Variants in LRBA observed in about 807,000 individuals in gnomAD.
LRBA encodes LPS responsive beige-like anchor protein.
In LRBA, 176 loss-of-function variants were observed where a neutral mutation model predicts 330.0. The ratio of observed to expected loss-of-function variants is 0.53; its 90% CI spans 0.47 to 0.60. LRBA has a LOEUF of 0.60. Among genes scored for constraint, LRBA ranks in the 20% least tolerant of loss-of-function variants. The probability of loss-of-function intolerance (pLI) is 0.00; values close to 1 mark genes in which losing one functional copy is unlikely to be tolerated. For synonymous variants in LRBA, 1,230 were observed against 1,193.0 expected (o/e 1.03, Z -0.64); for missense variants, 3,259 against 3,444.8 (o/e 0.95, Z 1.35).
chr4:150,769,351 G>C (rs1736237064), intron 34 of LRBA, among the ~76,000 whole-genome samples: 1 of 151,980 alleles, frequency 6.6e-6, no homozygotes, highest in Non-Finnish European at 1.5e-5. Flanking sequence ...GAGACACAGA[G>C]ACAGAGAGAG....
At chr4:150,838,312 T>G (rs1748485762) in intron 28 of LRBA, among the ~76,000 whole-genome samples, 1 of 152,212 alleles carries the variant, frequency 6.6e-6, no homozygotes, top group African/African-American at 2.4e-5. Context: ...ATGTTCTCTG[T>G]ATTTCCTTAA....
intron 17 of LRBA, among the ~76,000 whole-genome samples, chr4:150,875,402 GCC>G (rs1407225676): frequency 6.6e-6 from 1 of 152,104 alleles, no homozygotes; most frequent in African/African-American, 2.4e-5. Flanking sequence ...TATTTTTTGT[GCC>G]CTTCTCCAGA....
chr4:150,769,007 G>A (rs976423631), intron 34 of LRBA, among the ~76,000 whole-genome samples: 4 of 136,928 alleles, frequency 2.9e-5, no homozygotes, highest in South Asian at 2.3e-4. Flanking sequence ...GCGCAATCTC[G>A]GCTCACTGCA....
At chr4:150,749,431 A>T (rs1733226892) in intron 35 of LRBA, among the ~76,000 whole-genome samples, 1 of 152,072 alleles carries the variant, frequency 6.6e-6, no homozygotes, top group South Asian at 2.1e-4. Flanking sequence ...AGGAAAAAAC[A>T]ACAACCTTCT....
intron 28 of LRBA, among the ~76,000 whole-genome samples, chr4:150,841,605 C>T (rs953958901): frequency 2.6e-5 from 4 of 151,712 alleles, no homozygotes; most frequent in African/African-American, 9.7e-5. Flanking sequence ...TTATTTATGT[C>T]GTCGATCTTA....
intron 40 of LRBA, among the ~76,000 whole-genome samples, chr4:150,556,631 A>G (rs1767352143): frequency 6.6e-6 from 1 of 152,232 alleles, no homozygotes; most frequent in Non-Finnish European, 1.5e-5. Flanking sequence ...TGAACCTTCT[A>G]ACATTACAAT....
intron 44 of LRBA, among the ~76,000 whole-genome samples, chr4:150,464,253 C>A (rs1755155791): frequency 1.3e-5 from 2 of 152,032 alleles, no homozygotes; most frequent in Non-Finnish European, 2.9e-5. Flanking sequence ...CCCTAGAACA[C>A]GTATTCATAT....
chr4:150,310,143 G>T (rs901327952), intron 52 of LRBA, 86 bp downstream of exon 52: 1 of 888,444 alleles, frequency 1.1e-6, no homozygotes, highest in Non-Finnish European at 1.7e-6. Context: ...GTAATTTTTG[G>T]AAGGAAGCAG....
At chr4:150,462,684 T>C (rs1185959035) in intron 44 of LRBA, among the ~76,000 whole-genome samples, 1 of 151,776 alleles carries the variant, frequency 6.6e-6, no homozygotes, top group Non-Finnish European at 1.5e-5. Flanking sequence ...CAAAATTAAA[T>C]AGATATAAAT....
chr4:150,390,224 A>G (rs1180003914), intron 47 of LRBA, among the ~76,000 whole-genome samples: 6 of 152,188 alleles, frequency 3.9e-5, no homozygotes, highest in African/African-American at 1.4e-4. Context: ...TAAGCTGTCT[A>G]TCTTCTTGAA....
At chr4:150,887,466 G>C (rs918628400) in intron 17 of LRBA, among the ~76,000 whole-genome samples, 2 of 152,006 alleles carry the variant, frequency 1.3e-5, no homozygotes, top group African/African-American at 2.4e-5. Context: ...GAAAAAATAA[G>C]AACCGGCCGG....
chr4:150,289,947 C>T (rs1400176299), intron 53 of LRBA, among the ~76,000 whole-genome samples: 2 of 152,162 alleles, frequency 1.3e-5, no homozygotes, highest in Admixed American at 6.5e-5. Context: ...GGAGGCAGAG[C>T]AGAGGCTTTA....
chr4:150,888,857 T>C (rs1441269307), intron 17 of LRBA, among the ~76,000 whole-genome samples: 1 of 152,176 alleles, frequency 6.6e-6, no homozygotes, highest in African/African-American at 2.4e-5. Context: ...TGGATTAAAA[T>C]AAATAAAACC....
In LRBA at chr4:150,264,551, T is replaced by TCAAACTGAATTGTTCATTCCA. The variant is rs900017360; in HGVS notation, c.*1150_*1170dup. 1 of 152,266 alleles carries TCAAACTGAATTGTTCATTCCA rather than the reference T, an allele frequency of 6.6e-6. No individual in the cohort carries two copies. Among genetic ancestry groups the TCAAACTGAATTGTTCATTCCA allele is most frequent in the African/African-American group, 2.4e-5 (1 of 41,426 alleles). The allele number at this position is 152,266 out of a possible 1,614,324, so 9.4% of individuals were successfully genotyped here. On this transcript the variant is annotated 3_prime_UTR_variant, in exon 57 of 57. Coordinates refer to ENST00000651943, the MANE Select transcript of LRBA (RefSeq NM_001364905.1). Reference sequence around the variant, plus strand: ...ATGCCATTTTATTCAGCTTTTTCTGTCAAACTGAATTGTTCATTCCAAATC... The same window carrying TCAAACTGAATTGTTCATTCCA: ...ATGCCATTTTATTCAGCTTTTTCTGTCAAACTGAATTGTTCATTCCACAAACTGAATTGTTCATTCCAAATC...
chr4:150,986,927 A>C (rs1741526994), intron 2 of LRBA, among the ~76,000 whole-genome samples: 1 of 152,248 alleles, frequency 6.6e-6, no homozygotes, highest in South Asian at 2.1e-4. Context: ...CTTCTGCTAA[A>C]GAACAGAAAA....
intron 53 of LRBA, among the ~76,000 whole-genome samples, chr4:150,288,258 C>T (rs935965299): frequency 4.0e-5 from 6 of 151,514 alleles, no homozygotes; most frequent in Non-Finnish European, 7.4e-5. Context: ...GGATTACAGG[C>T]GTGAGCCACC....
chr4:150,598,363 T>G (rs1327251735), intron 38 of LRBA, among the ~76,000 whole-genome samples: 6 of 152,296 alleles, frequency 3.9e-5, no homozygotes, highest in African/African-American at 1.2e-4. Flanking sequence ...TCCAATTTAC[T>G]TATAAGACTT....
At chr4:150,460,372 T>C (rs894895594) in intron 44 of LRBA, among the ~76,000 whole-genome samples, 5 of 151,724 alleles carry the variant, frequency 3.3e-5, no homozygotes, top group Non-Finnish European at 1.5e-5. Flanking sequence ...CAGAAACATA[T>C]ACTAAGCACA....
chr4:150,447,569 G>A (rs1233867071), intron 44 of LRBA, among the ~76,000 whole-genome samples: 1 of 152,136 alleles, frequency 6.6e-6, no homozygotes. Flanking sequence ...CCAGCCTGCA[G>A]ATGGCAGACT....
Sources: gnomAD v4.1 joint callset for allele counts (sites outside exome capture counted in the v4.1 genomes callset) on GRCh38, gnomAD v4.1.1 for gene constraint, MANE v1.5 for transcripts, NCBI Gene and HGNC (gene_info 2026-07-23, HGNC 2026-07-21) for gene names.